Variants in CNDP2 observed in about 807,000 individuals in gnomAD.
CNDP2 encodes carnosine dipeptidase 2.
A neutral mutation model predicts 55.0 loss-of-function variants in CNDP2; 38 were observed. That is an observed-to-expected ratio of 0.69 (90% CI 0.53 to 0.90). The LOEUF (loss-of-function observed/expected upper bound fraction) is 0.90, where lower values mean the gene tolerates loss of function less well. Among genes scored for constraint, CNDP2 ranks in the 40% least tolerant of loss-of-function variants. The pLI is 0.00. For missense variants in CNDP2, 607 were observed against 621.7 expected, an observed-to-expected ratio of 0.98 and a Z score of 0.25; for synonymous variants, 241 against 260.2, an observed-to-expected ratio of 0.93 and a Z score of 0.71.
chr18:74,515,665 A>G (rs950757976), intron 8 of CNDP2, among the ~76,000 whole-genome samples: 2 of 152,148 alleles, frequency 1.3e-5, no homozygotes, highest in African/African-American at 2.4e-5. Flanking sequence ...GAAGGTCATG[A>G]TATTGATGAC....
At position 74,521,815 on chromosome 18, in the gene CNDP2, A is replaced by G. The variant is rs72977800; in HGVS notation, c.*1747A>G. 8,503 of 152,274 alleles carry G rather than the reference A, an allele frequency of 0.056. 316 individuals are homozygous for G. Among genetic ancestry groups the G allele is most frequent in the Non-Finnish European group, 0.08 (5,427 of 68,026 alleles). The allele number at this position is 152,274 out of a possible 1,614,324, so 9.4% of individuals were successfully genotyped here. ...TGACACACTCTCAAATTGGTAGGCAAAGGTTTAAAGAACGGGATATTTGCT... is the reference window on the plus strand; with the variant it reads ...TGACACACTCTCAAATTGGTAGGCAGAGGTTTAAAGAACGGGATATTTGCT... On this transcript the variant is annotated 3_prime_UTR_variant, in exon 12 of 12. Coordinates refer to ENST00000324262, the MANE Select transcript of CNDP2 (RefSeq NM_018235.3).
Position 74,501,324 on chromosome 18 carries a change from A to G in CNDP2, c.61-5A>G, listed in dbSNP as rs1306507518. 2 of 1,611,870 alleles carry G rather than the reference A, an allele frequency of 1.2e-6. No homozygotes were observed. Among genetic ancestry groups the G allele is most frequent in the South Asian group, 1.1e-5 (1 of 90,886 alleles). ...AATCCCTCGTTGCTTCTTGTCCACA[A>G]ACAGAAACTCGCAAAATGGGTGGCT... On this transcript the variant is annotated splice_polypyrimidine_tract_variant and splice_region_variant and intron_variant, in intron 2 of 11. Transcript: ENST00000324262.
At chr18:74,517,289 C>T (rs1373978424) in intron 9 of CNDP2, 2 of 152,336 alleles carry the variant, frequency 1.3e-5, no homozygotes, top group South Asian at 2.1e-4. Flanking sequence ...TCAGGCGCCT[C>T]ACTGAGGAAT....
chr18:74,501,848 C>T (rs1035839430), intron 3 of CNDP2, among the ~76,000 whole-genome samples: 2 of 152,158 alleles, frequency 1.3e-5, no homozygotes, highest in African/African-American at 2.4e-5. Context: ...CCCCAACCCC[C>T]GGCTCCCCCT....
chr18:74,503,458 T>C (rs1416756759), intron 3 of CNDP2, among the ~76,000 whole-genome samples: 4 of 152,224 alleles, frequency 2.6e-5, no homozygotes, highest in African/African-American at 7.2e-5. Flanking sequence ...GTCAGAGTAT[T>C]TTCAGCTGAT....
intron 7 of CNDP2, among the ~76,000 whole-genome samples, chr18:74,513,348 G>C (rs146430436): frequency 6.6e-6 from 1 of 152,200 alleles, no homozygotes; most frequent in East Asian, 1.9e-4. Flanking sequence ...GGCCCCGGAC[G>C]GTGCCTGACA....
chr18:74,505,560 CT>C (rs1217219341), intron 3 of CNDP2, among the ~76,000 whole-genome samples: 4 of 150,330 alleles, frequency 2.7e-5, no homozygotes, highest in Non-Finnish European at 4.4e-5. Context: ...GATCACGCCA[CT>C]GCGCTCCAGC....
At chr18:74,508,122 G>A (rs1281482068) in intron 4 of CNDP2, 1 of 152,294 alleles carries the variant, frequency 6.6e-6, no homozygotes, top group Non-Finnish European at 1.5e-5. Flanking sequence ...AGGCCCACGA[G>A]AAGGCCACGC....
chr18:74,502,518 G>T (rs1978767231), intron 3 of CNDP2, among the ~76,000 whole-genome samples: 1 of 150,756 alleles, frequency 6.6e-6, no homozygotes, highest in African/African-American at 2.4e-5. Flanking sequence ...TTCCAGGCTG[G>T]TCTCAAACTT....
Position 74,502,993 on chromosome 18 carries a change from T to A in CNDP2, c.204+1521T>A, listed in dbSNP as rs1297138123. Among the ~76,000 whole-genome samples, 4 of 152,174 alleles carry A rather than the reference T, an allele frequency of 2.6e-5. No homozygotes were observed. The East Asian group carries it at 7.7e-4, about 29-fold the overall frequency. On this transcript the variant is annotated intron_variant, in intron 3 of 11. Coordinates refer to ENST00000324262, the MANE Select transcript of CNDP2 (RefSeq NM_018235.3). The stretch of plus-strand genomic sequence containing the variant: ...GGGTATATTATAGCTTCCCACCAAT[T>A]TTCCCCCCATCTTTGGGAGACTAAA...
intron 5 of CNDP2, chr18:74,509,230 G>A (rs1979205890): frequency 2.7e-6 from 1 of 371,474 alleles, no homozygotes; most frequent in Admixed American, 3.8e-5. Flanking sequence ...CTGTGAGTGT[G>A]GTCCCTTGCC....
At chr18:74,519,911 A>T in intron 11 of CNDP2, 88 bp from the exon 12 acceptor site, 1 of 1,180,712 alleles carries the variant, frequency 8.5e-7, no homozygotes, top group Non-Finnish European at 1.2e-6. Context: ...AAGAAGGCAG[A>T]GTGTGTCTGG....
At chr18:74,518,744 T>C in intron 10 of CNDP2, 104 bp downstream of exon 10, 2 of 1,502,976 alleles carry the variant, frequency 1.3e-6, no homozygotes, top group African/African-American at 1.4e-5. Flanking sequence ...GGCGCTGCTG[T>C]ATCGTGGGGG....
At chr18:74,499,638 T>G in intron 1 of CNDP2, 1 of 295,792 alleles carries the variant, frequency 3.4e-6, no homozygotes, top group Non-Finnish European at 6.2e-6. Context: ...CTACTTTTAG[T>G]TTTCACTGTA....
Position 74,516,251 on chromosome 18 carries a change from G to A in CNDP2, c.927G>A (p.Trp309Ter), listed in dbSNP as rs774407337. ...SHKKDILMHR[W>*]RYPSLSLHGI... ...AGAAAGACATCCTCATGCACCGATG[G>A]CGGTACCCGTCTCTGTCCCTCCATG... The change falls in exon 9 of 12, where the codon TGG (tryptophan) becomes TGA (stop). Residue 309 changes from tryptophan to a stop codon, truncating the protein, a stop_gained. Coordinates refer to ENST00000324262, the MANE Select transcript of CNDP2 (RefSeq NM_018235.3). LOFTEE classifies it high-confidence loss of function. The A allele has an allele frequency of 1.2e-6, 2 of 1,613,636 alleles. No individual in the cohort carries two copies. The highest frequency in any genetic ancestry group is 1.3e-5 in the African/African-American group (1 of 74,916).
At chr18:74,519,833 G>A (rs989262608) in intron 11 of CNDP2, among the ~76,000 whole-genome samples, 166 bp from the exon 12 acceptor site, 16 of 152,184 alleles carry the variant, frequency 1.1e-4, no homozygotes, top group African/African-American at 1.9e-4. Context: ...CTTGAGAACC[G>A]GGGTGCTGAA....
rs1233110020 is a variant in CNDP2, at chr18:74,510,972, A to C, written c.616A>C (p.Ile206Leu). The C allele has an allele frequency of 6.2e-7, 1 of 1,614,220 alleles. No individual in the cohort carries two copies. The highest frequency in any genetic ancestry group is 8.5e-7 in the Non-Finnish European group (1 of 1,180,038). ...NYWLGKKKPC[I>L]TYGLRGICYF... Reference sequence around the variant, plus strand: ...CTGGCTGGGAAAGAAGAAGCCCTGCATCACCTACGGCCTCAGGGGCATTTG... The same window carrying C: ...CTGGCTGGGAAAGAAGAAGCCCTGCCTCACCTACGGCCTCAGGGGCATTTG... Residue 206 changes from isoleucine (I) to leucine (L), a missense_variant, in exon 6 of 12, where the codon ATC becomes CTC. Physicochemically the swap from Ile to Leu is conservative, Grantham distance 5 (BLOSUM62 2). Coordinates refer to ENST00000324262, the MANE Select transcript of CNDP2 (RefSeq NM_018235.3).
chr18:74,517,765 C>G (rs1166938512), intron 9 of CNDP2: 1 of 151,942 alleles, frequency 6.6e-6, no homozygotes, highest in African/African-American at 2.4e-5. Flanking sequence ...GTTAAGTCCC[C>G]AAGTGTAGTC....
In CNDP2 at chr18:74,508,937, C is replaced by A. The variant is rs374028569; in HGVS notation, c.456+9C>A. On this transcript the variant is annotated intron_variant, in intron 5 of 11. Coordinates refer to ENST00000324262, the MANE Select transcript of CNDP2 (RefSeq NM_018235.3). ...ATCAGAAAACAGGCCAGGTATGCCC[C>A]CCACGCTGACTTCTGCCTGAGTCCT... 9 of 1,612,278 alleles carry A rather than the reference C, an allele frequency of 5.6e-6. No individual in the cohort carries two copies.
Sources: gnomAD v4.1 joint callset for allele counts (sites outside exome capture counted in the v4.1 genomes callset) on GRCh38, gnomAD v4.1.1 for gene constraint, MANE v1.5 for transcripts, NCBI Gene and HGNC (gene_info 2026-07-23, HGNC 2026-07-21) for gene names.